CFAP299: variants seen among roughly 807,000 people sequenced by gnomAD.
CFAP299 encodes cilia and flagella associated protein 299, also known as cilia- and flagella-associated protein 299.
A neutral mutation model predicts 27.0 loss-of-function variants in CFAP299; 21 were observed. That is an observed-to-expected ratio of 0.78 (90% CI 0.55 to 1.12). The LOEUF (loss-of-function observed/expected upper bound fraction) is 1.12, where lower values mean the gene tolerates loss of function less well. Ranked by LOEUF, CFAP299 falls within the 50% of genes most tolerant of loss-of-function variation. The probability of loss-of-function intolerance (pLI) is 0.00; values close to 1 mark genes in which losing one functional copy is unlikely to be tolerated. For missense variants in CFAP299, 310 were observed against 276.6 expected (o/e 1.12, Z -0.86); for synonymous variants, 104 against 98.1 (o/e 1.06, Z -0.36).
At position 80,542,034 on chromosome 4, in the gene CFAP299, T is replaced by C. The variant is rs376645416; in HGVS notation, c.243-41059T>C. On this transcript the variant is annotated intron_variant, in intron 2 of 5. Coordinates refer to ENST00000358105, the MANE Select transcript of CFAP299 (RefSeq NM_152770.3). Reference sequence around the variant, plus strand: ...ATAAGAAAAATAAGAAAATCCAAAGTAGTTTGCTTGTTGAGTCTGCTCACT... The same window carrying C: ...ATAAGAAAAATAAGAAAATCCAAAGCAGTTTGCTTGTTGAGTCTGCTCACT... Among the ~76,000 whole-genome samples, 125 of 152,094 alleles carry C rather than the reference T, an allele frequency of 8.2e-4. 4 individuals carry two copies. In the South Asian group the frequency reaches 0.025, roughly 31 times the overall value.
chr4:80,610,200 T>A (rs4146324), intron 3 of CFAP299, among the ~76,000 whole-genome samples: 95,037 of 151,516 alleles, frequency 0.63, 33,970 homozygotes, highest in Non-Finnish European at 0.79. Context: ...ATAAATGCTC[T>A]AAAAAAAATG....
intron 3 of CFAP299, among the ~76,000 whole-genome samples, chr4:80,649,364 T>C (rs553512757): frequency 6.6e-5 from 10 of 152,274 alleles, no homozygotes; most frequent in Non-Finnish European, 7.4e-5. Flanking sequence ...AGCTTCTTCA[T>C]AGAAGAGATG....
intron 1 of CFAP299, among the ~76,000 whole-genome samples, chr4:80,342,101 G>A (rs1722486491): frequency 6.6e-6 from 1 of 152,142 alleles, no homozygotes; most frequent in Admixed American, 6.5e-5. Flanking sequence ...AAAGAAGACA[G>A]GCAGGCAAGA....
intron 2 of CFAP299, among the ~76,000 whole-genome samples, chr4:80,559,120 C>A (rs1048720278): frequency 6.6e-6 from 1 of 152,108 alleles, no homozygotes; most frequent in Non-Finnish European, 1.5e-5. Flanking sequence ...AAAATGGCTT[C>A]TTTAGTTATA....
chr4:80,767,592 G>A (rs1725956600), intron 3 of CFAP299, among the ~76,000 whole-genome samples: 1 of 152,176 alleles, frequency 6.6e-6, no homozygotes, highest in African/African-American at 2.4e-5. Flanking sequence ...GTCGGCAACA[G>A]AGCGAGACTC....
At position 80,936,420 on chromosome 4, in the gene CFAP299, G is replaced by A. The variant is rs570348413; in HGVS notation, c.477-8390G>A. 7.4e-4 allele frequency among the ~76,000 whole-genome samples: 113 copies of A among 152,062 alleles called. 1 individual carries two copies. Among genetic ancestry groups the A allele is most frequent in the South Asian group, 4.2e-4 (2 of 4,810 alleles). Reference sequence around the variant, plus strand: ...CAATAGTAAACAAGATAAAGAAAACGTAGTACATATACAACACACCATGGA... The same window carrying A: ...CAATAGTAAACAAGATAAAGAAAACATAGTACATATACAACACACCATGGA... On this transcript the variant is annotated intron_variant, in intron 4 of 5. Coordinates refer to ENST00000358105, the MANE Select transcript of CFAP299 (RefSeq NM_152770.3).
At chr4:80,714,845 G>A (rs969706485) in intron 3 of CFAP299, among the ~76,000 whole-genome samples, 1 of 151,966 alleles carries the variant, frequency 6.6e-6, no homozygotes, top group African/African-American at 2.4e-5. Flanking sequence ...ATACCATGTA[G>A]GAAAATTGAG....
At chr4:80,891,929 C>T (rs1734327255) in intron 4 of CFAP299, among the ~76,000 whole-genome samples, 2 of 146,708 alleles carry the variant, frequency 1.4e-5, no homozygotes, top group Non-Finnish European at 3.0e-5. Flanking sequence ...AATATCCATA[C>T]TACCCAAAGC....
intron 3 of CFAP299, among the ~76,000 whole-genome samples, chr4:80,752,660 G>A (rs1363060852): frequency 6.6e-6 from 1 of 151,320 alleles, no homozygotes; most frequent in African/African-American, 2.4e-5. Context: ...TTTAAATGTG[G>A]CAAAATCTGT....
intron 3 of CFAP299, among the ~76,000 whole-genome samples, chr4:80,730,676 C>A (rs1172080799): frequency 6.6e-6 from 1 of 152,050 alleles, no homozygotes; most frequent in Non-Finnish European, 1.5e-5. Context: ...ACAAAGGTAA[C>A]CTAGGTAGGG....
intron 3 of CFAP299, among the ~76,000 whole-genome samples, chr4:80,795,309 G>T (rs1230809104): frequency 6.6e-6 from 1 of 152,092 alleles, no homozygotes; most frequent in Non-Finnish European, 1.5e-5. Flanking sequence ...GTATATAATT[G>T]CACAACTGGC....
chr4:80,440,700 A>G (rs1262938907), intron 2 of CFAP299, among the ~76,000 whole-genome samples: 4 of 152,364 alleles, frequency 2.6e-5, no homozygotes, highest in Non-Finnish European at 4.4e-5. Context: ...AACTGGACAA[A>G]GAATGAATTT....
intron 2 of CFAP299, among the ~76,000 whole-genome samples, chr4:80,517,941 G>C (rs1560604406): frequency 6.6e-6 from 1 of 152,122 alleles, no homozygotes; most frequent in Non-Finnish European, 1.5e-5. Flanking sequence ...GAAACTGGGT[G>C]CCTTGCTGAG....
chr4:80,925,505 A>G (rs954383536), intron 4 of CFAP299, among the ~76,000 whole-genome samples: 1 of 152,008 alleles, frequency 6.6e-6, no homozygotes, highest in Non-Finnish European at 1.5e-5. Flanking sequence ...AAAGACTGTC[A>G]GGAAACTTTT....
intron 3 of CFAP299, among the ~76,000 whole-genome samples, chr4:80,608,814 A>G (rs1251168205): frequency 6.6e-6 from 1 of 151,680 alleles, no homozygotes; most frequent in Admixed American, 6.6e-5. Context: ...AAGGGTCAGA[A>G]ATGGGTTAGA....
upstream of CFAP299, among the ~76,000 whole-genome samples, chr4:80,330,904 A>C (rs1159536652): frequency 6.6e-6 from 1 of 152,202 alleles, no homozygotes; most frequent in African/African-American, 2.4e-5. Flanking sequence ...ACTACGTTAG[A>C]TGCTGAGGAT....
chr4:80,393,527 AT>A (rs527820273), intron 2 of CFAP299, among the ~76,000 whole-genome samples: 4 of 152,106 alleles, frequency 2.6e-5, no homozygotes, highest in Non-Finnish European at 1.5e-5. Context: ...ATAATTTTTC[AT>A]TTTTTATGCT....
chr4:80,471,489 A>G (rs754197589), intron 2 of CFAP299, among the ~76,000 whole-genome samples: 40 of 149,926 alleles, frequency 2.7e-4, no homozygotes, highest in Admixed American at 8.0e-4. Flanking sequence ...TGCAACCATA[A>G]AAAGAATCTT....
intron 3 of CFAP299, among the ~76,000 whole-genome samples, chr4:80,656,898 AC>A (rs1457771003): frequency 1.3e-5 from 2 of 152,060 alleles, no homozygotes; most frequent in Non-Finnish European, 2.9e-5. Flanking sequence ...TTGTTTCCTG[AC>A]TTTTTAATGA....
Sources: allele counts gnomAD v4.1 joint callset (sites outside exome capture counted in the v4.1 genomes callset), GRCh38; gene constraint gnomAD v4.1.1; transcripts MANE v1.5; gene names NCBI Gene and HGNC (gene_info 2026-07-23, HGNC 2026-07-21).